Variants in STX3 observed in about 807,000 individuals in gnomAD.
STX3 encodes the protein syntaxin-3.
STX3 carries 19 observed loss-of-function variants against 40.2 expected under a neutral mutation model. The ratio of observed to expected loss-of-function variants is 0.47; its 90% CI spans 0.33 to 0.69. The LOEUF (loss-of-function observed/expected upper bound fraction) is 0.69, where lower values mean the gene tolerates loss of function less well. Among genes scored for constraint, STX3 ranks in the 30% least tolerant of loss-of-function variants. The pLI is 0.02. For synonymous variants in STX3, 122 were observed against 132.2 expected, an observed-to-expected ratio of 0.92 and a Z score of 0.53; for missense variants, 364 against 366.7, an observed-to-expected ratio of 0.99 and a Z score of 0.06.
rs750221241 is a variant in STX3, at chr11:59,790,529, G to C, written c.300G>C (p.Lys100Asn). The change falls in exon 5 of 11, where the codon AAG becomes AAC. Residue 100 changes from lysine to asparagine, a missense_variant. Lys to Asn is a moderately conservative substitution (Grantham distance 94). Transcript: ENST00000337979. The part of the protein sequence containing the change: ...NVRNKLKSME[K>N]HIEEDEVRSS... ...TCCTCTCCTCTTTAGGCATGGAGAA[G>C]CATATTGAAGAAGATGAGGTCAGGT... is the stretch of plus-strand genomic sequence containing the variant. 1.2e-6 allele frequency: 2 copies of C among 1,613,860 alleles called. No individual in the cohort carries two copies. Among genetic ancestry groups the C allele is most frequent in the Non-Finnish European group, 1.7e-6 (2 of 1,179,718 alleles).
At chr11:59,794,238 A>G (rs189757221) in intron 8 of STX3, among the ~76,000 whole-genome samples, 5 of 152,332 alleles carry the variant, frequency 3.3e-5, no homozygotes, top group South Asian at 2.1e-4. Context: ...TGTCCCAGGC[A>G]TGCTTGCTCG....
chr11:59,758,271 G>C (rs1012055331), intron 1 of STX3, among the ~76,000 whole-genome samples: 38 of 152,120 alleles, frequency 2.5e-4, no homozygotes, highest in African/African-American at 9.2e-4. Flanking sequence ...TTGGGATTTT[G>C]AATGTTGTAG....
chr11:59,799,929 A>G, intron 10 of STX3: 1 of 984,906 alleles, frequency 1.0e-6, no homozygotes. Context: ...AGATGTTGAA[A>G]TTTTAAAAAG....
chr11:59,759,049 G>C (rs2134852974), intron 1 of STX3, among the ~76,000 whole-genome samples: 1 of 152,348 alleles, frequency 6.6e-6, no homozygotes, highest in South Asian at 2.1e-4. Context: ...CTTTGGGTGG[G>C]TTCCCAAGAA....
At chr11:59,763,838 C>T (rs908229463) in intron 1 of STX3, among the ~76,000 whole-genome samples, 31 of 152,030 alleles carry the variant, frequency 2.0e-4, no homozygotes, top group African/African-American at 6.8e-4. Flanking sequence ...GCCAACATGG[C>T]GGAAACCCTG....
chr11:59,760,795 A>G (rs144901695), intron 1 of STX3, among the ~76,000 whole-genome samples: 73 of 152,354 alleles, frequency 4.8e-4, no homozygotes, highest in Middle Eastern at 3.4e-3. Context: ...TGGTGGGCTC[A>G]AGAATTGAAC....
At position 59,793,362 on chromosome 11, in the gene STX3, G is replaced by C; in HGVS notation, c.541-18G>C. 1 of 1,611,828 alleles carries C rather than the reference G, an allele frequency of 6.2e-7. No individual in the cohort carries two copies. Among genetic ancestry groups the C allele is most frequent in the South Asian group, 1.1e-5 (1 of 90,898 alleles). ...TTCTTGCAGGGGTAGCTAACAGTCTGTGTGTGGCCTGTTGTAGATCATTGA... is the reference window on the plus strand; with the variant it reads ...TTCTTGCAGGGGTAGCTAACAGTCTCTGTGTGGCCTGTTGTAGATCATTGA... On this transcript the variant is annotated intron_variant, in intron 7 of 10. Coordinates refer to ENST00000337979, the MANE Select transcript of STX3 (RefSeq NM_004177.5).
chr11:59,755,722 G>A (rs1409689834), intron 1 of STX3, 87 bp downstream of exon 1: 1 of 1,435,070 alleles, frequency 7.0e-7, no homozygotes, highest in African/African-American at 1.5e-5. Flanking sequence ...GAGGCTGGAG[G>A]GGGGCCCGAG....
chr11:59,755,659 G>T, intron 1 of STX3, 24 bp downstream of exon 1: 1 of 1,590,804 alleles, frequency 6.3e-7, no homozygotes, highest in Non-Finnish European at 8.5e-7. Context: ...CAGGCGGGGT[G>T]CTGCCAGGAG....
intron 1 of STX3, among the ~76,000 whole-genome samples, chr11:59,761,005 A>C (rs1301610366): frequency 6.6e-6 from 1 of 152,144 alleles, no homozygotes; most frequent in African/African-American, 2.4e-5. Flanking sequence ...TTTACTCATT[A>C]TTATGACTTA....
intron 1 of STX3, among the ~76,000 whole-genome samples, chr11:59,762,060 G>C (rs1306596916): frequency 6.6e-6 from 1 of 152,200 alleles, no homozygotes; most frequent in Non-Finnish European, 1.5e-5. Flanking sequence ...TTCTGTTCTA[G>C]GATGCGATCC....
In STX3 at chr11:59,787,129, A is replaced by G; in HGVS notation, c.207A>G (p.Pro69=). ...LYSIILSAPI[P]EPKTKDDLEQ... ...GTATCATTCTCTCTGCACCGATTCC[A>G]GAGCCAAGTGAGTGTTTACTTAGAA... Residue 69 remains proline (P), a synonymous_variant, in exon 3 of 11, where the codon CCA becomes CCG. Coordinates refer to ENST00000337979, the MANE Select transcript of STX3 (RefSeq NM_004177.5). 6.2e-7 allele frequency: 1 copy of G among 1,613,964 alleles called. No individual in the cohort carries two copies. The highest frequency in any genetic ancestry group is 8.5e-7 in the Non-Finnish European group (1 of 1,179,824).
At chr11:59,790,442 G>A in intron 4 of STX3, 77 bp from the exon 5 acceptor site, 1 of 1,148,562 alleles carries the variant, frequency 8.7e-7, no homozygotes, top group Non-Finnish European at 1.3e-6. Context: ...GTGGGAATGA[G>A]TGAGGAAGTT....
chr11:59,754,410 T>C (rs1191752395), upstream of STX3: 1 of 152,488 alleles, frequency 6.6e-6, no homozygotes, highest in South Asian at 2.1e-4. Flanking sequence ...GATCCTATTC[T>C]TCAGAATTAA....
chr11:59,764,364 C>T (rs1863184716), intron 1 of STX3, among the ~76,000 whole-genome samples: 1 of 152,162 alleles, frequency 6.6e-6, no homozygotes, highest in African/African-American at 2.4e-5. Context: ...TTAATCCTTG[C>T]AACAATTCTA....
At chr11:59,756,603 G>A (rs2134840888) in intron 1 of STX3, among the ~76,000 whole-genome samples, 1 of 152,268 alleles carries the variant, frequency 6.6e-6, no homozygotes, top group Admixed American at 6.5e-5. Context: ...CGCAGAATCA[G>A]AATCTAATTA....
chr11:59,797,220 T>G, intron 9 of STX3, 63 bp from the exon 10 acceptor site: 1 of 1,314,606 alleles, frequency 7.6e-7, no homozygotes. Context: ...AGGTTTTGGA[T>G]GAGTTGTTAT....
chr11:59,766,904 A>G (rs1398735092), intron 1 of STX3, among the ~76,000 whole-genome samples: 1 of 152,246 alleles, frequency 6.6e-6, no homozygotes, highest in Non-Finnish European at 1.5e-5. Context: ...GACATGGTGT[A>G]CACAAAGCAG....
At chr11:59,795,014 A>C (rs925808042) in intron 8 of STX3, among the ~76,000 whole-genome samples, 3 of 152,216 alleles carry the variant, frequency 2.0e-5, no homozygotes, top group Admixed American at 6.5e-5. Context: ...TAACAATGAG[A>C]TATCCTTATT....
Sources: allele counts gnomAD v4.1 joint callset (sites outside exome capture counted in the v4.1 genomes callset), GRCh38; gene constraint gnomAD v4.1.1; transcripts MANE v1.5; gene names NCBI Gene and HGNC (gene_info 2026-07-23, HGNC 2026-07-21).